The following HINFP variants were observed in gnomAD, a reference collection of about 807,000 sequenced individuals.
HINFP encodes MBD2 (methyl-CpG-binding protein)-interacting zinc finger protein.
Under a neutral mutation model 50.1 loss-of-function variants are expected in HINFP, and 20 were observed. That is an observed-to-expected ratio of 0.40 (90% confidence interval 0.28 to 0.58). The LOEUF (loss-of-function observed/expected upper bound fraction) is 0.58. HINFP is among the 20% of genes least tolerant of loss of function. HINFP has a pLI of 0.45. For synonymous variants in HINFP, 247 were observed against 243.7 expected (o/e 1.01, Z -0.13); for missense variants, 505 against 664.1 (o/e 0.76, Z 2.63).
intron 1 of HINFP, chr11:119,126,373 A>AAAAAAAAAGG: frequency 6.7e-6 from 1 of 150,334 alleles, no homozygotes. Flanking sequence ...AAAAAAAAAA[A>AAAAAAAAAGG]GCACCTACGG....
chr11:119,126,861 C>G (rs1019385079), intron 1 of HINFP, 74 bp from the exon 2 acceptor site: 6 of 1,386,790 alleles, frequency 4.3e-6, no homozygotes, highest in Middle Eastern at 2.6e-4. Context: ...AGGCAGGCTG[C>G]CTGCCCAGCT....
rs2135079804 is a variant in HINFP at position 119,132,683 on chromosome 11, G to A, written c.777G>A (p.Leu259=). ...CAGTGAATCACTATAAGTGCCCTCT[G>A]TGTGACATGACCTGCCCGCTGCCTT... ...RNHVNHYKCP[L]CDMTCPLPSS... is the part of the protein sequence containing the mutation. Residue 259 remains leucine (L), a synonymous_variant, in exon 7 of 10, where the codon CTG becomes CTA. Transcript: ENST00000350777. 1.9e-6 allele frequency: 3 copies of A among 1,614,074 alleles called. No individual in the cohort carries two copies. The East Asian group carries it at 6.7e-5, about 36-fold the overall frequency.
At chr11:119,130,619 C>A in intron 2 of HINFP, 106 bp from the exon 3 acceptor site, 2 of 928,000 alleles carry the variant, frequency 2.2e-6, no homozygotes, top group East Asian at 2.4e-5. Flanking sequence ...TAGAGTCCAG[C>A]CTCCTCACGA....
chr11:119,123,022 G>A (rs1251807466), intron 1 of HINFP, among the ~76,000 whole-genome samples: 4 of 148,554 alleles, frequency 2.7e-5, no homozygotes, highest in Admixed American at 2.1e-4. Context: ...ATAATACTTC[G>A]GAGGCTAAGT....
chr11:119,131,962 G>T lies in HINFP; in HGVS notation c.656G>T (p.Arg219Leu). ...AATACCAAGTTCTTAGATCACATCC[G>T]TCGCCAGACCTCATTGGATCGTAAG... is the stretch of plus-strand genomic sequence containing the variant. ...ANNTKFLDHI[R>L]RQTSLDQQHF... The change falls in exon 5 of 10, where the codon CGT becomes CTT. Residue 219 changes from arginine (R) to leucine (L), a missense_variant. Arg to Leu is a moderately radical substitution (Grantham distance 102). Coordinates refer to ENST00000350777, the MANE Select transcript of HINFP (RefSeq NM_198971.3). This position sits in a 1 kb window ranked among gnomAD's most constrained non-coding sequence, Gnocchi z 4.2. 3 of 1,614,086 alleles carry T rather than the reference G, an allele frequency of 1.9e-6. No individual in the cohort carries two copies. Among genetic ancestry groups the T allele is most frequent in the Non-Finnish European group, 2.5e-6 (3 of 1,180,010 alleles).
At position 119,131,418 on chromosome 11, in the gene HINFP, T is replaced by A. The variant is rs1350628977; in HGVS notation, c.412-117T>A. ...CTCCATTTCTGTGCAGTGCCTTTCC[T>A]CAAAATTTCCCATCCCCATCAAGTT... On this transcript the variant is annotated intron_variant, in intron 3 of 9. Coordinates refer to ENST00000350777, the MANE Select transcript of HINFP (RefSeq NM_198971.3). The surrounding 1 kb of genome is among the most constrained non-coding windows in gnomAD (Gnocchi z 4.2). 1 of 767,028 alleles carries A rather than the reference T, an allele frequency of 1.3e-6. No homozygotes were observed. The highest frequency in any genetic ancestry group is 1.7e-5 in the African/African-American group (1 of 58,558). The allele number at this position is 767,028 out of a possible 1,614,324, so 47.5% of individuals were successfully genotyped here. A position where few individuals can be genotyped will look rare whatever the true frequency, so the allele number is the denominator to read the frequency against.
At chr11:119,126,661 T>A (rs1565790399) in intron 1 of HINFP, 1 of 281,520 alleles carries the variant, frequency 3.6e-6, no homozygotes, top group Non-Finnish European at 6.7e-6. Context: ...GGTGGGTTGC[T>A]CTGAAGCTTC....
At chr11:119,125,991 G>C (rs564897720) in intron 1 of HINFP, 1 of 152,336 alleles carries the variant, frequency 6.6e-6, no homozygotes, top group African/African-American at 2.4e-5. Context: ...ATTACCACTA[G>C]TGTGTGGCCG....
At chr11:119,122,883 G>A (rs1947148943) in intron 1 of HINFP, among the ~76,000 whole-genome samples, 1 of 152,174 alleles carries the variant, frequency 6.6e-6, no homozygotes, top group Admixed American at 6.5e-5. Context: ...AGCACTTTGT[G>A]AGGCCGAGGC....
Position 119,126,956 on chromosome 11 carries a change from T to C in HINFP, c.12T>C (p.Pro4=), listed in dbSNP as rs753068979. 5 of 1,613,172 alleles carry C rather than the reference T, an allele frequency of 3.1e-6. No individual in the cohort carries two copies. In the East Asian group the frequency reaches 1.1e-4, roughly 36 times the overall value. MPP[P]GKVPRKENLW... is the part of the protein sequence containing the mutation. ...CTAGGGTGAAGGCCATGCCGCCTCC[T>C]GGGAAAGTTCCCCGAAAGGAGAATC... The change falls in exon 2 of 10, where the codon CCT becomes CCC. Residue 4 remains proline (P), a synonymous_variant. Transcript: ENST00000350777.
intron 1 of HINFP, among the ~76,000 whole-genome samples, chr11:119,123,295 G>C (rs1947191009): frequency 6.6e-6 from 1 of 152,112 alleles, no homozygotes; most frequent in Non-Finnish European, 1.5e-5. Context: ...CTTTGGATTG[G>C]AATGAGGGTG....
At chr11:119,122,943 C>T (rs1434979388) in intron 1 of HINFP, among the ~76,000 whole-genome samples, 1 of 151,880 alleles carries the variant, frequency 6.6e-6, no homozygotes, top group Non-Finnish European at 1.5e-5. Context: ...ACCAACATGG[C>T]AAGACCTCGT....
chr11:119,134,512 A>G lies in HINFP; in HGVS notation c.*14A>G. On this transcript the variant is annotated 3_prime_UTR_variant, in exon 10 of 10. Transcript: ENST00000350777. The surrounding 1 kb of genome is among the most constrained non-coding windows in gnomAD (Gnocchi z 4.3). ...CAGATGGTTTGAAGGCCGCAGAGCC[A>G]GACCATTTCTTCCCCAGGTCCTGAA... The G allele has an allele frequency of 6.4e-7, 1 of 1,560,374 alleles. No individual in the cohort carries two copies. The highest frequency in any genetic ancestry group is 1.2e-5 in the South Asian group (1 of 84,826).
At chr11:119,125,767 T>C (rs1230983576) in intron 1 of HINFP, 1 of 152,230 alleles carries the variant, frequency 6.6e-6, no homozygotes, top group Non-Finnish European at 1.5e-5. Context: ...TACGGCTTTT[T>C]ATGTTCAAAT....
chr11:119,125,113 A>G (rs1663409006), intron 1 of HINFP: 1 of 131,648 alleles, frequency 7.6e-6, no homozygotes, highest in Non-Finnish European at 1.5e-5. Flanking sequence ...ATCTCGGCTC[A>G]TTGCAGCTTC....
At position 119,132,785 on chromosome 11, in the gene HINFP, A is replaced by G; in HGVS notation, c.875+4A>G. 6.2e-7 allele frequency: 1 copy of G among 1,613,596 alleles called. No individual in the cohort carries two copies. Among genetic ancestry groups the G allele is most frequent in the Non-Finnish European group, 8.5e-7 (1 of 1,180,034 alleles). On this transcript the variant is annotated splice_donor_region_variant and intron_variant, in intron 7 of 9. Transcript: ENST00000350777. ...AATGTGACTGTTGTGACTACAGGTA[A>G]GGGGGACCAGGGACCAGAAAACAGC... is the stretch of plus-strand genomic sequence containing the variant.
In HINFP at chr11:119,135,978, G is replaced by C. The variant is rs1034162017; in HGVS notation, c.*1480G>C. ...GGAGGCTGAGGTTGCAGTGAGCCGA[G>C]ATCATGCCACTGCACTCCAGCCTGG... On this transcript the variant is annotated 3_prime_UTR_variant, in exon 10 of 10. Transcript: ENST00000350777. 1.3e-5 allele frequency: 2 copies of C among 152,256 alleles called. No individual in the cohort carries two copies. Among genetic ancestry groups the C allele is most frequent in the African/African-American group, 4.8e-5 (2 of 41,430 alleles). 9.4% of individuals were successfully genotyped at this position (152,256 alleles called of 1,614,324 possible). A position where few individuals can be genotyped will look rare whatever the true frequency, so the allele number is the denominator to read the frequency against.
chr11:119,121,779 C>T (rs549540175), intron 1 of HINFP, 140 bp downstream of exon 1: 1 of 152,664 alleles, frequency 6.6e-6, no homozygotes, highest in African/African-American at 2.4e-5. Context: ...TCCCTGCTTT[C>T]TAGTCTAGGG....
In HINFP at chr11:119,131,123, C is replaced by A; in HGVS notation, c.411+169C>A. 1 of 719,242 alleles carries A rather than the reference C, an allele frequency of 1.4e-6. No individual in the cohort carries two copies. The highest frequency in any genetic ancestry group is 2.5e-6 in the Non-Finnish European group (1 of 402,934). 44.6% of individuals were successfully genotyped at this position (719,242 alleles called of 1,614,324 possible). On this transcript the variant is annotated intron_variant, in intron 3 of 9. Coordinates refer to ENST00000350777, the MANE Select transcript of HINFP (RefSeq NM_198971.3). The surrounding 1 kb of genome is among the most constrained non-coding windows in gnomAD (Gnocchi z 4.2). ...TATTTTTTACACACAGGCTCTTGAT[C>A]TGAAGCCCAGGCTAGAGTGCAGTGG...
Sources: allele counts gnomAD v4.1 joint callset (sites outside exome capture counted in the v4.1 genomes callset), GRCh38; gene constraint gnomAD v4.1.1; non-coding constraint Gnocchi (gnomAD v3.1); transcripts MANE v1.5; gene names NCBI Gene and HGNC (gene_info 2026-07-23, HGNC 2026-07-21).